Variants in CDK19 observed in about 807,000 individuals in gnomAD.
The protein encoded by CDK19 is cyclin dependent kinase 19, also known as cyclin-dependent kinase 19.
A neutral mutation model predicts 68.3 loss-of-function variants in CDK19; 20 were observed. The ratio of observed to expected loss-of-function variants is 0.29; its 90% CI spans 0.21 to 0.43. CDK19 has a LOEUF of 0.43. Ranked by LOEUF, CDK19 falls within the 20% of genes least tolerant of loss-of-function variation. The pLI is 1.00. For missense variants in CDK19, 339 were observed against 623.5 expected (o/e 0.54, Z 4.86); for synonymous variants, 221 against 222.8 (o/e 0.99, Z 0.07).
chr6:110,664,450 A>C (rs1781799090), intron 4 of CDK19, among the ~76,000 whole-genome samples: 1 of 152,168 alleles, frequency 6.6e-6, no homozygotes, highest in South Asian at 2.1e-4. Context: ...ATATTTCTTC[A>C]AGGCTCCTTG....
intron 1 of CDK19, among the ~76,000 whole-genome samples, chr6:110,795,484 C>A (rs1781876187): frequency 6.6e-6 from 1 of 152,210 alleles, no homozygotes; most frequent in East Asian, 1.9e-4. Context: ...AAGCAGAAAC[C>A]ATTTCAACTG....
intron 2 of CDK19, among the ~76,000 whole-genome samples, chr6:110,678,687 T>C (rs1771737600): frequency 6.6e-6 from 1 of 152,162 alleles, no homozygotes; most frequent in East Asian, 1.9e-4. Flanking sequence ...TTCTAGTAAC[T>C]CAGGTAGAAA....
At chr6:110,774,602 T>C (rs1390086936) in intron 1 of CDK19, among the ~76,000 whole-genome samples, 3 of 152,190 alleles carry the variant, frequency 2.0e-5, no homozygotes, top group Non-Finnish European at 4.4e-5. Context: ...AGTCAGTAAC[T>C]AAAACAGCAG....
intron 1 of CDK19, among the ~76,000 whole-genome samples, chr6:110,794,888 A>C (rs945831662): frequency 2.0e-5 from 3 of 152,196 alleles, no homozygotes; most frequent in African/African-American, 7.2e-5. Flanking sequence ...ATTATATTGT[A>C]GAACATATCT....
At chr6:110,719,986 A>AC (rs1186186225) in intron 2 of CDK19, among the ~76,000 whole-genome samples, 26 of 41,860 alleles carry the variant, frequency 6.2e-4, no homozygotes, top group African/African-American at 1.6e-3. Flanking sequence ...CCCCCCCCCC[A>AC]CCCCCCCCCT....
intron 5 of CDK19, among the ~76,000 whole-genome samples, chr6:110,636,976 T>A (rs931396258): frequency 1.3e-5 from 2 of 152,034 alleles, no homozygotes; most frequent in Non-Finnish European, 1.5e-5. Context: ...AGCCAAAGAG[T>A]AGAGGTCAGT....
chr6:110,787,590 G>A (rs548313539), intron 1 of CDK19, among the ~76,000 whole-genome samples: 178 of 152,022 alleles, frequency 1.2e-3, no homozygotes, highest in Non-Finnish European at 2.3e-3. Flanking sequence ...GACACTCTAG[G>A]TAACGTGCCA....
intron 5 of CDK19, among the ~76,000 whole-genome samples, chr6:110,634,354 T>C (rs767490824): frequency 6.6e-6 from 1 of 152,066 alleles, no homozygotes; most frequent in Non-Finnish European, 1.5e-5. Flanking sequence ...GTAGATGGGA[T>C]TACAGGTGCG....
intron 4 of CDK19, among the ~76,000 whole-genome samples, chr6:110,644,738 C>T (rs9487473): frequency 0.013 from 2,040 of 151,940 alleles, 45 homozygotes; most frequent in African/African-American, 0.047. Context: ...GCAGAACCAG[C>T]GAAACCCAAG....
chr6:110,782,268 T>C (rs1160700145), intron 1 of CDK19, among the ~76,000 whole-genome samples: 1 of 152,190 alleles, frequency 6.6e-6, no homozygotes, highest in African/African-American at 2.4e-5. Flanking sequence ...TCAAATGATG[T>C]CACAGTTTGG....
intron 1 of CDK19, among the ~76,000 whole-genome samples, chr6:110,791,507 A>C (rs983563054): frequency 6.6e-6 from 1 of 152,286 alleles, no homozygotes; most frequent in South Asian, 2.1e-4. Context: ...TAAAATGTAA[A>C]ATACAGGCTA....
At chr6:110,786,978 C>T (rs1193521576) in intron 1 of CDK19, among the ~76,000 whole-genome samples, 3 of 152,146 alleles carry the variant, frequency 2.0e-5, no homozygotes, top group Non-Finnish European at 2.9e-5. Flanking sequence ...CAATTCTATC[C>T]TTCTATCCCT....
chr6:110,633,731 A>C (rs1779589842), intron 5 of CDK19, among the ~76,000 whole-genome samples: 1 of 152,216 alleles, frequency 6.6e-6, no homozygotes, highest in African/African-American at 2.4e-5. Context: ...AATGGCTTTC[A>C]TATACATCAT....
intron 1 of CDK19, among the ~76,000 whole-genome samples, chr6:110,790,748 A>T (rs1177539057): frequency 6.6e-6 from 1 of 152,196 alleles, no homozygotes; most frequent in East Asian, 1.9e-4. Context: ...TCAGAAAAAC[A>T]AAGTTTTAAC....
At chr6:110,722,894 T>A (rs1776011955) in intron 2 of CDK19, among the ~76,000 whole-genome samples, 1 of 151,812 alleles carries the variant, frequency 6.6e-6, no homozygotes, top group African/African-American at 2.4e-5. Context: ...TGATCTTCTA[T>A]CTCTAATGTT....
intron 1 of CDK19, among the ~76,000 whole-genome samples, chr6:110,777,409 T>G (rs1054928881): frequency 6.6e-6 from 1 of 151,902 alleles, no homozygotes; most frequent in Non-Finnish European, 1.5e-5. Context: ...AAAATCTCAA[T>G]ACAATAAGAT....
chr6:110,706,636 A>C (rs1352317959), intron 2 of CDK19: 2 of 148,318 alleles, frequency 1.3e-5, no homozygotes, highest in African/African-American at 5.0e-5. Context: ...GATGGTCTTG[A>C]TCTCCTGACC....
intron 4 of CDK19, among the ~76,000 whole-genome samples, chr6:110,651,215 A>C (rs1279219870): frequency 6.9e-6 from 1 of 144,212 alleles, no homozygotes; most frequent in Non-Finnish European, 1.5e-5. Context: ...TAATTTTTAA[A>C]TAGTTGAAAT....
intron 1 of CDK19, among the ~76,000 whole-genome samples, chr6:110,780,589 C>A (rs955330249): frequency 2.6e-5 from 4 of 151,878 alleles, no homozygotes; most frequent in African/African-American, 9.7e-5. Flanking sequence ...ATAAACAAAC[C>A]TATTTTTTTC....
Sources: gnomAD v4.1 joint callset for allele counts (sites outside exome capture counted in the v4.1 genomes callset) on GRCh38, gnomAD v4.1.1 for gene constraint, MANE v1.5 for transcripts, NCBI Gene and HGNC (gene_info 2026-07-23, HGNC 2026-07-21) for gene names.